The following CENPF variants were observed in gnomAD, a reference collection of about 807,000 sequenced individuals.
The protein encoded by CENPF is AH antigen.
CENPF carries 214 observed loss-of-function variants against 307.3 expected under a neutral mutation model. The observed-to-expected ratio is 0.70, with a 90% CI of 0.62 to 0.78. The LOEUF (loss-of-function observed/expected upper bound fraction) is 0.78. Ranked by LOEUF, CENPF falls within the 30% of genes least tolerant of loss-of-function variation. The pLI, the probability that CENPF is intolerant of heterozygous loss-of-function variation, is 0.00. For missense variants in CENPF, 3,401 were observed against 3,483.9 expected, an observed-to-expected ratio of 0.98 and a Z score of 0.60; for synonymous variants, 1,259 against 1,270.6, an observed-to-expected ratio of 0.99 and a Z score of 0.19.
In CENPF at chr1:214,622,264, G is replaced by C; in HGVS notation, c.1051G>C (p.Asp351His). ...DELVRTTAQYDQASTKYTALE... is the reference protein window; with the variant it reads ...DELVRTTAQYHQASTKYTALE... ...ACTAGTGAGAACAACAGCACAATAC[G>C]ACCAGGCGTCAACCAAGGTACTTGA... is the stretch of plus-strand genomic sequence containing the variant. The change falls in exon 7 of 20, where the codon GAC (aspartate) becomes CAC (histidine). Residue 351 changes from aspartate (D) to histidine (H), a missense_variant. Transcript: ENST00000366955. 6 of 1,611,218 alleles carry C rather than the reference G, an allele frequency of 3.7e-6. No individual in the cohort carries two copies. Among genetic ancestry groups the C allele is most frequent in the Non-Finnish European group, 5.1e-6 (6 of 1,179,144 alleles).
chr1:214,661,043 G>T (rs1490139865), intron 19 of CENPF, among the ~76,000 whole-genome samples: 1 of 152,182 alleles, frequency 6.6e-6, no homozygotes, highest in Non-Finnish European at 1.5e-5. Flanking sequence ...AAAGCAGTTT[G>T]CATGCGGCGT....
chr1:214,662,764 C>G (rs1658820148), intron 19 of CENPF, among the ~76,000 whole-genome samples: 1 of 151,654 alleles, frequency 6.6e-6, no homozygotes, highest in South Asian at 2.1e-4. Context: ...GACCGTGTAT[C>G]TTTTTTCACT....
chr1:214,655,887 G>A (rs1356015003), intron 17 of CENPF, among the ~76,000 whole-genome samples: 1 of 152,160 alleles, frequency 6.6e-6, no homozygotes, highest in Non-Finnish European at 1.5e-5. Flanking sequence ...CACCATGCCT[G>A]GCCTGAATGA....
Position 214,664,434 on chromosome 1 carries a change from A to G in CENPF, c.*640A>G, listed in dbSNP as rs946844478. 3 of 152,222 alleles carry G rather than the reference A, an allele frequency of 2.0e-5. No individual in the cohort carries two copies. The highest frequency in any genetic ancestry group is 2.9e-5 in the Non-Finnish European group (2 of 68,050). The allele number at this position is 152,222 out of a possible 1,614,324, so 9.4% of individuals were successfully genotyped here. A position where few individuals can be genotyped will look rare whatever the true frequency, so the allele number is the denominator to read the frequency against. On this transcript the variant is annotated 3_prime_UTR_variant, in exon 20 of 20. Transcript: ENST00000366955. ...TGCAGGCTTCCTAGAGGTGTGCTAT[A>G]CCATGCGTCTGTCGTTGTGCTTTTT...
intron 19 of CENPF, among the ~76,000 whole-genome samples, chr1:214,662,268 T>C (rs1164810998): frequency 1.3e-5 from 2 of 151,526 alleles, no homozygotes; most frequent in South Asian, 2.1e-4. Flanking sequence ...AAAAAAAAAG[T>C]ACCAGCAAAA....
chr1:214,637,885 A>G lies in CENPF; in HGVS notation c.1466A>G (p.Asn489Ser). The change falls in exon 11 of 20, where the codon AAC (asparagine) becomes AGC (serine). Residue 489 changes from asparagine to serine, a missense_variant. Coordinates refer to ENST00000366955, the MANE Select transcript of CENPF (RefSeq NM_016343.4). ...TTTTAGGAAATGAAGAAGGAAAACA[A>G]CCTCCTTAAGAGTCACTCTGAGCAA... ...RSMEEMKKEN[N>S]LLKSHSEQKA... 6.2e-7 allele frequency: 1 copy of G among 1,601,598 alleles called. No individual in the cohort carries two copies. Among genetic ancestry groups the G allele is most frequent in the Non-Finnish European group, 8.5e-7 (1 of 1,177,394 alleles).
chr1:214,655,125 T>A, intron 16 of CENPF, 116 bp from the exon 17 acceptor site: 1 of 636,812 alleles, frequency 1.6e-6, no homozygotes. Context: ...ATGTTTTGTA[T>A]TGAATCTAAT....
chr1:214,637,840 A>G, intron 10 of CENPF, 26 bp from the exon 11 acceptor site: 1 of 1,598,496 alleles, frequency 6.3e-7, no homozygotes. Flanking sequence ...CGTTTTGGCT[A>G]TAACCAATTA....
chr1:214,648,859 T>G, intron 14 of CENPF, 32 bp downstream of exon 14: 1 of 1,604,300 alleles, frequency 6.2e-7, no homozygotes, highest in Non-Finnish European at 8.5e-7. Context: ...GTTATTATGA[T>G]CTGTTAATTC....
chr1:214,613,803 C>T lies in CENPF; in HGVS notation c.49C>T (p.Leu17Phe). Residue 17 changes from leucine to phenylalanine, a missense_variant, in exon 2 of 20, where the codon CTT becomes TTT. Leu to Phe is a conservative substitution (Grantham distance 22). Transcript: ENST00000366955. ...EWKEGLPTRA[L>F]QKIQELEGQL... Reference sequence around the variant, plus strand: ...GAAAGAAGGGCTGCCTACAAGAGCTCTTCAGAAAATTCAAGAGCTTGAAGG... The same window carrying T: ...GAAAGAAGGGCTGCCTACAAGAGCTTTTCAGAAAATTCAAGAGCTTGAAGG... 5 of 1,613,380 alleles carry T rather than the reference C, an allele frequency of 3.1e-6. No individual in the cohort carries two copies. Among genetic ancestry groups the T allele is most frequent in the Non-Finnish European group, 2.5e-6 (3 of 1,179,760 alleles).
chr1:214,657,280 C>T lies in CENPF; in HGVS notation c.8833C>T (p.Pro2945Ser). 6.2e-7 allele frequency: 1 copy of T among 1,614,028 alleles called. No homozygotes were observed. Among genetic ancestry groups the T allele is most frequent in the African/African-American group, 1.3e-5 (1 of 75,014 alleles). ...TGGAATATGGGAGAATGGTAGAGGACCAACACCTGCTACCCCAGAGAGCTT... is the reference window on the plus strand; with the variant it reads ...TGGAATATGGGAGAATGGTAGAGGATCAACACCTGCTACCCCAGAGAGCTT... ...SSGIWENGRG[P>S]TPATPESFSK... Residue 2945 changes from proline to serine, a missense_variant, in exon 18 of 20, where the codon CCA (proline) becomes TCA (serine). Physicochemically the swap from Pro to Ser is moderately conservative, Grantham distance 74. Coordinates refer to ENST00000366955, the MANE Select transcript of CENPF (RefSeq NM_016343.4).
chr1:214,647,774 C>T (rs1658353367), intron 13 of CENPF, among the ~76,000 whole-genome samples: 1 of 152,180 alleles, frequency 6.6e-6, no homozygotes, highest in Non-Finnish European at 1.5e-5. Context: ...GAGAGTATAA[C>T]AGACATTATC....
rs535666949 is a variant in CENPF at position 214,613,412 on chromosome 1, G to T, written c.-41-302G>T. 27 of 191,180 alleles carry T rather than the reference G, an allele frequency of 1.4e-4. No homozygotes were observed. In the South Asian group the frequency reaches 3.0e-3, roughly 21 times the overall value. 11.8% of individuals were successfully genotyped at this position (191,180 alleles called of 1,614,324 possible). On this transcript the variant is annotated intron_variant, in intron 1 of 19. Transcript: ENST00000366955. Reference sequence around the variant, plus strand: ...GTGACTGCCATCTTGCATCACTGTTGCCCCATGTTTTGTATAATGAAAAAA... The same window carrying T: ...GTGACTGCCATCTTGCATCACTGTTTCCCCATGTTTTGTATAATGAAAAAA...
At chr1:214,654,416 A>G (rs1005198991) in intron 16 of CENPF, 7 of 152,462 alleles carry the variant, frequency 4.6e-5, no homozygotes, top group African/African-American at 1.4e-4. Flanking sequence ...CTTAAAAAAA[A>G]AAAAAATAGT....
chr1:214,616,834 CCTCTTTCTTTCTTTCTTT>C (rs1657353681), intron 3 of CENPF, among the ~76,000 whole-genome samples: 2 of 143,692 alleles, frequency 1.4e-5, no homozygotes, highest in Admixed American at 6.9e-5. Flanking sequence ...TTCCTTCCTT[CCTCTTTCTTTCTTTCTTT>C]CTTTCTTTCT....
intron 7 of CENPF, among the ~76,000 whole-genome samples, chr1:214,622,749 G>A (rs1439561489): frequency 8.3e-6 from 1 of 119,778 alleles, no homozygotes; most frequent in Non-Finnish European, 1.6e-5. Flanking sequence ...AAAAAAGATC[G>A]TATATATAGT....
In CENPF at chr1:214,647,107, G is replaced by A. The variant is rs537334446; in HGVS notation, c.7537G>A (p.Gly2513Ser). Residue 2513 changes from glycine (G) to serine (S), a missense_variant, in exon 13 of 20, where the codon GGC becomes AGC. Gly to Ser is a moderately conservative substitution (Grantham distance 56, BLOSUM62 0). Transcript: ENST00000366955. ...VNGLIQEVED[G>S]KQKLEKKDEE... is the part of the protein sequence containing the mutation. ...TGGCCTCATTCAAGAAGTAGAAGATGGCAAGCAGAAACTGGAGAAGAAGGA... is the reference window on the plus strand; with the variant it reads ...TGGCCTCATTCAAGAAGTAGAAGATAGCAAGCAGAAACTGGAGAAGAAGGA... 6 of 1,613,990 alleles carry A rather than the reference G, an allele frequency of 3.7e-6. No individual in the cohort carries two copies. Among genetic ancestry groups the A allele is most frequent in the Middle Eastern group, 1.6e-4 (1 of 6,062 alleles).
chr1:214,663,761 G>A lies in CENPF; in HGVS notation c.9312G>A (p.Glu3104=). The A allele has an allele frequency of 6.2e-7, 1 of 1,614,130 alleles. No individual in the cohort carries two copies. Among genetic ancestry groups the A allele is most frequent in the Non-Finnish European group, 8.5e-7 (1 of 1,180,026 alleles). The part of the protein sequence containing the change: ...RLVPSPKAGL[E]SNGSENCKVQ ...TCCCCAGCCCCAAAGCTGGACTGGA[G>A]TCCAACGGCAGTGAGAACTGTAAGG... Residue 3104 remains glutamate, a synonymous_variant, in exon 20 of 20, where the codon GAG becomes GAA. Coordinates refer to ENST00000366955, the MANE Select transcript of CENPF (RefSeq NM_016343.4).
rs1037098273 is a variant in CENPF, at chr1:214,659,383, T to C, written c.9141+355T>C. ...ATTAGTCATTGTTTGTTTCAAACTTTACTCTCACTTATCTGCCCCCAGCTG... is the reference window on the plus strand; with the variant it reads ...ATTAGTCATTGTTTGTTTCAAACTTCACTCTCACTTATCTGCCCCCAGCTG... On this transcript the variant is annotated intron_variant, in intron 19 of 19. Coordinates refer to ENST00000366955, the MANE Select transcript of CENPF (RefSeq NM_016343.4). This position sits in a 1 kb window ranked among gnomAD's most constrained non-coding sequence, Gnocchi z 4.4. Among the ~76,000 whole-genome samples the C allele has an allele frequency of 6.6e-6, 1 of 152,204 alleles. No individual in the cohort carries two copies. Among genetic ancestry groups the C allele is most frequent in the African/African-American group, 2.4e-5 (1 of 41,442 alleles).
Sources: gnomAD v4.1 joint callset for allele counts (sites outside exome capture counted in the v4.1 genomes callset) on GRCh38, gnomAD v4.1.1 for gene constraint, Gnocchi (gnomAD v3.1) non-coding constraint, MANE v1.5 for transcripts, NCBI Gene and HGNC (gene_info 2026-07-23, HGNC 2026-07-21) for gene names.